The following RYR2 variants were observed in gnomAD, a reference collection of about 807,000 sequenced individuals.
RYR2 encodes ryanodine receptor 2.
Under a neutral mutation model 601.1 loss-of-function variants are expected in RYR2, and 227 were observed. That is an observed-to-expected ratio of 0.38 (90% CI 0.34 to 0.42). The LOEUF (loss-of-function observed/expected upper bound fraction) is 0.42. Ranked by LOEUF, RYR2 falls within the 10% of genes least tolerant of loss-of-function variation. RYR2 has a pLI of 1.00. For synonymous variants in RYR2, 2,223 were observed against 2,175.1 expected (o/e 1.02, Z -0.61); for missense variants, 4,646 against 6,156.5 (o/e 0.75, Z 8.21).
At chr1:237,202,805 A>T (rs555250864) in intron 1 of RYR2, among the ~76,000 whole-genome samples, 36 of 152,242 alleles carry the variant, frequency 2.4e-4, no homozygotes, top group African/African-American at 8.2e-4. Context: ...CTTCTTCCTC[A>T]GCCGTTTCCT....
chr1:237,242,328 A>G (rs193176955), intron 1 of RYR2, among the ~76,000 whole-genome samples: 2 of 151,990 alleles, frequency 1.3e-5, no homozygotes, highest in East Asian at 3.9e-4. Context: ...TCACATTACT[A>G]AATAGTAAAC....
chr1:237,781,682 A>G (rs760261652), intron 89 of RYR2, 36 bp downstream of exon 89: 3 of 1,133,398 alleles, frequency 2.6e-6, no homozygotes, highest in Non-Finnish European at 3.9e-6. Context: ...TCTCTTTATT[A>G]TCTTATTTAA....
Position 237,566,164 on chromosome 1 carries a change from C to T in RYR2, c.3215-403C>T, listed in dbSNP as rs529671359. 3.3e-5 allele frequency among the ~76,000 whole-genome samples: 5 copies of T among 152,272 alleles called. No individual in the cohort carries two copies. The South Asian group carries it at 6.2e-4, about 19-fold the overall frequency. The stretch of plus-strand genomic sequence containing the variant: ...TTCGTCTTCCCTCTTCTCTCTCACC[C>T]GTACATGTCTACTCATTTCTTATGC... On this transcript the variant is annotated intron_variant, in intron 27 of 104. Transcript: ENST00000366574.
chr1:237,798,693 A>G (rs1659575302), intron 97 of RYR2, among the ~76,000 whole-genome samples: 2 of 152,112 alleles, frequency 1.3e-5, no homozygotes, highest in Admixed American at 6.6e-5. Context: ...AGTTTACTTC[A>G]AAATGAAACA....
chr1:237,337,341 C>A (rs1572646968), intron 3 of RYR2, among the ~76,000 whole-genome samples: 2 of 151,916 alleles, frequency 1.3e-5, no homozygotes, highest in South Asian at 4.2e-4. Flanking sequence ...AGCACTGAAG[C>A]CCCATAAATT....
chr1:237,444,309 C>A (rs74147267), intron 13 of RYR2, among the ~76,000 whole-genome samples: 10,253 of 151,990 alleles, frequency 0.067, 419 homozygotes, highest in African/African-American at 0.11. Flanking sequence ...ACATGAAAAC[C>A]GCAAGTTCTT....
intron 2 of RYR2, among the ~76,000 whole-genome samples, chr1:237,285,075 G>A (rs1177464019): frequency 6.6e-6 from 1 of 152,076 alleles, no homozygotes; most frequent in Non-Finnish European, 1.5e-5. Context: ...TGTTGAAGAG[G>A]AGTGGTGCAG....
At chr1:237,467,151 T>C (rs1356579425) in intron 16 of RYR2, among the ~76,000 whole-genome samples, 13 of 148,302 alleles carry the variant, frequency 8.8e-5, no homozygotes, top group Non-Finnish European at 1.5e-5. Flanking sequence ...TATGTTTTCA[T>C]TTTAGATGGA....
At chr1:237,777,452 C>T (rs2149331519) in intron 87 of RYR2, among the ~76,000 whole-genome samples, 1 of 152,182 alleles carries the variant, frequency 6.6e-6, no homozygotes, top group East Asian at 1.9e-4. Flanking sequence ...TTTTATGTGG[C>T]CTGCAATTTA....
chr1:237,042,606 G>A lies in RYR2; in HGVS notation c.48+37G>A, dbSNP rs77780919. The A allele has an allele frequency of 3.2e-3, 4,045 of 1,252,260 alleles. 117 individuals are homozygous for A. The African/African-American group carries it at 0.056, about 17-fold the overall frequency. 77.6% of individuals were successfully genotyped at this position (1,252,260 alleles called of 1,614,324 possible). ...GCGTCGCGTGTGCTGTCAGGGGAAG[G>A]GGGCGTCAGGGCATCCACTAGCGGG... On this transcript the variant is annotated intron_variant, in intron 1 of 104. Transcript: ENST00000366574.
intron 104 of RYR2, among the ~76,000 whole-genome samples, chr1:237,832,051 CAT>C (rs956220397): frequency 6.6e-6 from 1 of 151,420 alleles, no homozygotes; most frequent in African/African-American, 2.4e-5. Flanking sequence ...TACACACACA[CAT>C]ATATTTTTTG....
At chr1:237,219,718 T>C (rs1385001066) in intron 1 of RYR2, among the ~76,000 whole-genome samples, 1 of 152,182 alleles carries the variant, frequency 6.6e-6, no homozygotes, top group Non-Finnish European at 1.5e-5. Context: ...GTGGAGATGA[T>C]AACACTTTCC....
rs1298609322 is a variant in RYR2 at position 237,595,592 on chromosome 1, G to T, written c.4531G>T (p.Val1511Leu). ...TAATGGACTGGAGATTGGCTGTGTG[G>T]TGGATGCTGCCAGCGGGCTGCTCAC... ...NNNGLEIGCV[V>L]DAASGLLTFI... Residue 1511 changes from valine (V) to leucine (L), a missense_variant, in exon 34 of 105, where the codon GTG becomes TTG. Around this residue, in one of 17 missense-constraint regions of RYR2, gnomAD observed 1,807 missense variants for 2,088.1 expected, o/e 0.87. Transcript: ENST00000366574. 2 of 1,613,540 alleles carry T rather than the reference G, an allele frequency of 1.2e-6. No homozygotes were observed. The highest frequency in any genetic ancestry group is 1.1e-5 in the South Asian group (1 of 90,962).
intron 8 of RYR2, among the ~76,000 whole-genome samples, chr1:237,383,284 T>C (rs1350361601): frequency 3.3e-5 from 5 of 152,108 alleles, no homozygotes; most frequent in Non-Finnish European, 7.4e-5. Context: ...ATCGTGTCCC[T>C]TCCATTTCTG....
chr1:237,496,531 T>C lies in RYR2; in HGVS notation c.1982T>C (p.Leu661Pro). 1 of 1,613,970 alleles carries C rather than the reference T, an allele frequency of 6.2e-7. No individual in the cohort carries two copies. Reference sequence around the variant, plus strand: ...TAAAGCATGAGACCCAATATTTTTCTGGGCGTCAGTGAAGGTTCTGCTCAG... The same window carrying C: ...TAAAGCATGAGACCCAATATTTTTCCGGGCGTCAGTGAAGGTTCTGCTCAG... The part of the protein sequence containing the change: ...HVSSMRPNIF[L>P]GVSEGSAQYK... The change falls in exon 20 of 105, where the codon CTG becomes CCG. Residue 661 changes from leucine (L) to proline (P), a missense_variant. Coordinates refer to ENST00000366574, the MANE Select transcript of RYR2 (RefSeq NM_001035.3).
chr1:237,148,527 AAT>A (rs1553316811), intron 1 of RYR2, among the ~76,000 whole-genome samples: 2,113 of 83,846 alleles, frequency 0.025, 37 homozygotes, highest in African/African-American at 0.045. Flanking sequence ...AAAAAAAAAA[AAT>A]ATATATATAT....
In RYR2 at chr1:237,655,834, A is replaced by T. The variant is rs1683193751; in HGVS notation, c.7979A>T (p.Glu2660Val). The T allele has an allele frequency of 1.3e-6, 2 of 1,596,786 alleles. No homozygotes were observed. Among genetic ancestry groups the T allele is most frequent in the African/African-American group, 2.7e-5 (2 of 74,356 alleles). The change falls in exon 53 of 105, where the codon GAA (glutamate) becomes GTA (valine). Residue 2660 changes from glutamate to valine, a missense_variant. By Grantham distance (121) the Glu-to-Val change is moderately radical. Coordinates refer to ENST00000366574, the MANE Select transcript of RYR2 (RefSeq NM_001035.3). ...CATTTTTCCCAGAAATATGAACAAG[A>T]ACTTTTCAAACTGGCACTGCCTTGC... ...DALSQKKYEQ[E>V]LFKLALPCLS...
intron 2 of RYR2, among the ~76,000 whole-genome samples, chr1:237,326,396 C>T (rs748024541): frequency 3.3e-5 from 5 of 152,090 alleles, no homozygotes; most frequent in African/African-American, 4.8e-5. Flanking sequence ...GTATTATTAC[C>T]CTCCTGCAAG....
At position 237,427,747 on chromosome 1, in the gene RYR2, C is replaced by T. The variant is rs570248988; in HGVS notation, c.1005+4499C>T. Among the ~76,000 whole-genome samples, 37 of 127,118 alleles carry T rather than the reference C, an allele frequency of 2.9e-4. 1 individual carries two copies. In the Admixed American group the frequency reaches 3.4e-3, roughly 12 times the overall value. The allele number at this position is 127,118 out of a possible 152,430, so 83.4% of individuals were successfully genotyped here. A position where few individuals can be genotyped will look rare whatever the true frequency, so the allele number is the denominator to read the frequency against. On this transcript the variant is annotated intron_variant, in intron 12 of 104. Coordinates refer to ENST00000366574, the MANE Select transcript of RYR2 (RefSeq NM_001035.3). ...GCAGTGAGCCTAAATTGTGCCACTGCACTCCAGCCTGGGCAACAGAGCAAG... is the reference window on the plus strand; with the variant it reads ...GCAGTGAGCCTAAATTGTGCCACTGTACTCCAGCCTGGGCAACAGAGCAAG...
Sources: allele counts gnomAD v4.1 joint callset (sites outside exome capture counted in the v4.1 genomes callset), GRCh38; gene constraint gnomAD v4.1.1; regional missense constraint gnomAD v4.1.1; transcripts MANE v1.5; gene names NCBI Gene and HGNC (gene_info 2026-07-23, HGNC 2026-07-21).